Variants in IGDCC4 observed in about 807,000 individuals in gnomAD.
IGDCC4 encodes the protein likely ortholog of mouse neighbor of Punc E11.
IGDCC4 carries 72 observed loss-of-function variants against 116.6 expected under a neutral mutation model. The observed-to-expected ratio is 0.62, with a 90% CI of 0.51 to 0.75. The LOEUF is 0.75. Among genes scored for constraint, IGDCC4 ranks in the 30% least tolerant of loss-of-function variants. IGDCC4 has a pLI of 0.00. For missense variants in IGDCC4, 1,501 were observed against 1,662.4 expected (o/e 0.90, Z 1.69); for synonymous variants, 709 against 719.9 (o/e 0.98, Z 0.24).
At chr15:65,394,770 C>T (rs1409097791) in intron 8 of IGDCC4, among the ~76,000 whole-genome samples, 2 of 152,124 alleles carry the variant, frequency 1.3e-5, no homozygotes, top group East Asian at 1.9e-4. Context: ...CAATCTTCCA[C>T]GTCTAATGGG....
intron 8 of IGDCC4, among the ~76,000 whole-genome samples, chr15:65,394,810 A>G (rs907139196): frequency 6.6e-6 from 1 of 152,086 alleles, no homozygotes; most frequent in African/African-American, 2.4e-5. Flanking sequence ...CCCCAGCTGG[A>G]TGGCACATAG....
chr15:65,392,013 G>A lies in IGDCC4; in HGVS notation c.2123-32C>T, dbSNP rs201156747. 8.2e-4 allele frequency: 1,297 copies of A among 1,574,698 alleles called. 5 individuals carry two copies. Among genetic ancestry groups the A allele is most frequent in the Non-Finnish European group, 4.1e-4 (475 of 1,156,786 alleles). The stretch of plus-strand genomic sequence containing the variant: ...AAGGTTACAGGGCTTAATGGCTAGG[G>A]GGACATCTGGGGTCACTCTCCCGTC... On this transcript the variant is annotated intron_variant, in intron 11 of 19. Transcript: ENST00000352385.
chr15:65,388,459 C>G lies in IGDCC4; in HGVS notation c.2835G>C (p.Glu945Asp). The G allele has an allele frequency of 6.2e-7, 1 of 1,614,148 alleles. No homozygotes were observed. Among genetic ancestry groups the G allele is most frequent in the South Asian group, 1.1e-5 (1 of 91,086 alleles). ...SRLQDVITLQ[E>D]KLSDSLDMHS... ...GCCCTGTGCTCATACCTGACAGCTT[C>G]TCCTGGAGCGTGATCACATCCTGCA... The change falls in exon 16 of 20, where the codon GAG becomes GAC. Residue 945 changes from glutamate to aspartate, a missense_variant. Around this residue, in one of 3 missense-constraint regions of IGDCC4, gnomAD observed 235 missense variants for 328.0 expected, o/e 0.72. Coordinates refer to ENST00000352385, the MANE Select transcript of IGDCC4 (RefSeq NM_020962.3).
In IGDCC4 at chr15:65,396,124, C is replaced by A; in HGVS notation, c.1037G>T (p.Arg346Leu). 6.9e-7 allele frequency: 1 copy of A among 1,456,734 alleles called. No homozygotes were observed. The highest frequency in any genetic ancestry group is 1.4e-5 in the South Asian group (1 of 73,492). The allele number at this position is 1,456,734 out of a possible 1,614,324, so 90.2% of individuals were successfully genotyped here. Residue 346 changes from arginine to leucine, a missense_variant, in exon 7 of 20, where the codon CGG becomes CTG. Physicochemically the swap from Arg to Leu is moderately radical, Grantham distance 102. Coordinates refer to ENST00000352385, the MANE Select transcript of IGDCC4 (RefSeq NM_020962.3). ...AITQAPEALS[R>L]TRASTARFVC... Reference sequence around the variant, plus strand: ...GAAGCGCGCTGTGCTCGCCCGCGTCCGCGACAGCGCCTCGGGCGCCTGAGT... The same window carrying A: ...GAAGCGCGCTGTGCTCGCCCGCGTCAGCGACAGCGCCTCGGGCGCCTGAGT...
At chr15:65,385,618 T>C (rs1024777217) in intron 18 of IGDCC4, 1 of 630,230 alleles carries the variant, frequency 1.6e-6, no homozygotes, top group African/African-American at 1.8e-5. Context: ...GCCCTTTCCT[T>C]CGTGAGAACC....
chr15:65,406,435 C>G (rs1038873684), intron 3 of IGDCC4, among the ~76,000 whole-genome samples: 2 of 152,070 alleles, frequency 1.3e-5, no homozygotes, highest in Admixed American at 6.6e-5. Flanking sequence ...AAAATTATCC[C>G]CTAGATTATC....
At chr15:65,406,428 A>C (rs192656828) in intron 3 of IGDCC4, among the ~76,000 whole-genome samples, 19 of 152,314 alleles carry the variant, frequency 1.2e-4, no homozygotes, top group Non-Finnish European at 1.6e-4. Flanking sequence ...TGAAAGAAAA[A>C]TTATCCCCTA....
rs1184780951 is a variant in IGDCC4 at position 65,388,561 on chromosome 15, A to G, written c.2733T>C (p.His911=). The change falls in exon 16 of 20, where the codon CAT becomes CAC. Residue 911 remains histidine (H), a synonymous_variant. Transcript: ENST00000352385. ...TQGNIFSAEV[H]GLESDTRYFF... ...AGTACCGAGTGTCGCTCTCCAGGCCATGGACCTCAGCACTGAAGATGTTTC... is the reference window on the plus strand; with the variant it reads ...AGTACCGAGTGTCGCTCTCCAGGCCGTGGACCTCAGCACTGAAGATGTTTC... The G allele has an allele frequency of 1.9e-6, 3 of 1,614,140 alleles. No homozygotes were observed. The highest frequency in any genetic ancestry group is 2.5e-6 in the Non-Finnish European group (3 of 1,180,038).
At chr15:65,395,023 AGAGGG>A (rs2062906751) in intron 8 of IGDCC4, 66 bp downstream of exon 8, 1 of 1,497,400 alleles carries the variant, frequency 6.7e-7, no homozygotes, top group Non-Finnish European at 9.1e-7. Flanking sequence ...ATTAGTAAAG[AGAGGG>A]TGAGCTCCCC....
chr15:65,397,758 G>A (rs908066066), intron 5 of IGDCC4, among the ~76,000 whole-genome samples: 2 of 152,126 alleles, frequency 1.3e-5, no homozygotes, highest in Admixed American at 1.3e-4. Flanking sequence ...TGCAATGCTG[G>A]AGAAAGGGCC....
Position 65,411,241 on chromosome 15 carries a change from G to C in IGDCC4, c.200C>G (p.Pro67Arg). 6.2e-7 allele frequency: 1 copy of C among 1,614,132 alleles called. No homozygotes were observed. Among genetic ancestry groups the C allele is most frequent in the Non-Finnish European group, 8.5e-7 (1 of 1,180,006 alleles). The change falls in exon 2 of 20, where the codon CCC (proline) becomes CGC (arginine). Residue 67 changes from proline (P) to arginine (R), a missense_variant. Pro to Arg is a moderately radical substitution (Grantham distance 103, BLOSUM62 -2). Around this residue, in one of 3 missense-constraint regions of IGDCC4, gnomAD observed 898 missense variants for 978.9 expected, o/e 0.92. Coordinates refer to ENST00000352385, the MANE Select transcript of IGDCC4 (RefSeq NM_020962.3). ...ATCCTTGCTCCAGGTCACCCTGGTG[G>C]GGGGTCCAGCGGCAGCAGCCCCCAG... ...CSLGAAAAGP[P>R]TRVTWSKDGD...
At chr15:65,422,742 G>T in intron 1 of IGDCC4, 51 bp downstream of exon 1, 1 of 1,297,886 alleles carries the variant, frequency 7.7e-7, no homozygotes. Flanking sequence ...CAGGGCGCGG[G>T]CGCACCAGCA....
intron 6 of IGDCC4, chr15:65,396,397 C>T (rs1177573207): frequency 1.5e-6 from 1 of 681,748 alleles, no homozygotes; most frequent in Admixed American, 2.1e-5. Flanking sequence ...CAAAACTGTC[C>T]CCAGGCCTCC....
At chr15:65,387,954 T>C (rs916187557) in intron 16 of IGDCC4, among the ~76,000 whole-genome samples, 10 of 151,448 alleles carry the variant, frequency 6.6e-5, no homozygotes, top group African/African-American at 2.4e-4. Flanking sequence ...TACTAAAAAA[T>C]ACAATAATTG....
At chr15:65,419,130 T>C (rs2063168477) in intron 1 of IGDCC4, among the ~76,000 whole-genome samples, 1 of 151,920 alleles carries the variant, frequency 6.6e-6, no homozygotes, top group Admixed American at 6.6e-5. Flanking sequence ...CATCATAGCT[T>C]ACCACAGTCT....
At chr15:65,418,673 CCCA>C (rs1180913992) in intron 1 of IGDCC4, among the ~76,000 whole-genome samples, 1 of 152,164 alleles carries the variant, frequency 6.6e-6, no homozygotes, top group African/African-American at 2.4e-5. Context: ...GCTCCTGTCA[CCCA>C]CCTCTGACCA....
rs1002251013 is a variant in IGDCC4, at chr15:65,386,554, T to C, written c.2948A>G (p.His983Arg). The C allele has an allele frequency of 3.1e-6, 5 of 1,598,570 alleles. No individual in the cohort carries two copies. The highest frequency in any genetic ancestry group is 4.3e-6 in the Non-Finnish European group (5 of 1,175,324). ...CMCAGLRRSP[H>R]RESLPGLSST... ...TCAGACTGGCTCCCCTGCTCACCTG[T>C]GGGGGCTGCGGCGCAGGCCAGCACA... is the stretch of plus-strand genomic sequence containing the variant. The change falls in exon 17 of 20, where the codon CAC becomes CGC. Residue 983 changes from histidine to arginine, a missense_variant. His to Arg is a conservative substitution (Grantham distance 29, BLOSUM62 0). Transcript: ENST00000352385.
chr15:65,394,294 C>A, intron 9 of IGDCC4, 117 bp downstream of exon 9: 1 of 1,509,182 alleles, frequency 6.6e-7, no homozygotes. Context: ...CTTCCCCAAC[C>A]CCTACTCTGC....
Position 65,392,292 on chromosome 15 carries a change from G to A in IGDCC4, c.1964C>T (p.Pro655Leu), listed in dbSNP as rs1266337457. Reference protein sequence around the residue: ...LVVSWQPPPHPTQISGYKLYW... With the variant: ...LVVSWQPPPHLTQISGYKLYW... ...TAGTTTGTAGCCAGAGATCTGGGTG[G>A]GGTGAGGGGGTGGCTGCCATGACAC... The change falls in exon 11 of 20, where the codon CCC (proline) becomes CTC (leucine). Residue 655 changes from proline (P) to leucine (L), a missense_variant. Pro to Leu is a moderately conservative substitution (Grantham distance 98). Around this residue, in one of 3 missense-constraint regions of IGDCC4, gnomAD observed 898 missense variants for 978.9 expected, o/e 0.92. Transcript: ENST00000352385. The A allele has an allele frequency of 2.5e-6, 4 of 1,599,466 alleles. No homozygotes were observed. Among genetic ancestry groups the A allele is most frequent in the Non-Finnish European group, 3.4e-6 (4 of 1,170,606 alleles).
Sources: gnomAD v4.1 joint callset for allele counts (sites outside exome capture counted in the v4.1 genomes callset) on GRCh38, gnomAD v4.1.1 for gene constraint, gnomAD v4.1.1 regional missense constraint, MANE v1.5 for transcripts, NCBI Gene and HGNC (gene_info 2026-07-23, HGNC 2026-07-21) for gene names.